The following DOP1B variants were observed in gnomAD, a reference collection of about 807,000 sequenced individuals.
DOP1B encodes the protein DOP1 leucine zipper like protein B, also known as protein DOP1B.
A neutral mutation model predicts 233.5 loss-of-function variants in DOP1B; 174 were observed. The ratio of observed to expected loss-of-function variants is 0.75; its 90% CI spans 0.66 to 0.85. The LOEUF (loss-of-function observed/expected upper bound fraction) is 0.85, where lower values mean the gene tolerates loss of function less well. Ranked by LOEUF, DOP1B falls within the 40% of genes least tolerant of loss-of-function variation. DOP1B has a pLI of 0.00. For synonymous variants in DOP1B, 1,190 were observed against 1,185.6 expected (o/e 1.00, Z -0.08); for missense variants, 2,652 against 2,846.6 (o/e 0.93, Z 1.56).
At chr21:36,221,287 G>A (rs56296790) in intron 10 of DOP1B, among the ~76,000 whole-genome samples, 3 of 152,046 alleles carry the variant, frequency 2.0e-5, no homozygotes, top group East Asian at 4.0e-4. Context: ...GAGGTCAGCA[G>A]TTCAAGACCA....
chr21:36,266,890 C>T (rs1176039622), intron 26 of DOP1B, among the ~76,000 whole-genome samples: 1 of 152,234 alleles, frequency 6.6e-6, no homozygotes, highest in Non-Finnish European at 1.5e-5. Context: ...GTGCTTTCAT[C>T]AGTCCTTACG....
At chr21:36,200,819 G>GAC (rs1327483565) in intron 4 of DOP1B, among the ~76,000 whole-genome samples, 3 of 151,030 alleles carry the variant, frequency 2.0e-5, no homozygotes, top group African/African-American at 7.3e-5. Flanking sequence ...CTCCAGCCTG[G>GAC]ACAACAGAGA....
chr21:36,210,912 A>G (rs1417527319), intron 5 of DOP1B, among the ~76,000 whole-genome samples: 1 of 151,642 alleles, frequency 6.6e-6, no homozygotes, highest in African/African-American at 2.4e-5. Context: ...ACAGCACCTC[A>G]CTCTTCCCTG....
Position 36,263,539 on chromosome 21 carries a change from A to G in DOP1B, c.5316-7A>G, listed in dbSNP as rs1257143637. The G allele has an allele frequency of 6.2e-7, 1 of 1,612,222 alleles. No homozygotes were observed. The highest frequency in any genetic ancestry group is 1.1e-5 in the South Asian group (1 of 90,834). Reference sequence around the variant, plus strand: ...TTGAGTATTTTTCCTATCTTTTAAAAAAACAGGCTCCCAGTACCAGCCTTG... The same window carrying G: ...TTGAGTATTTTTCCTATCTTTTAAAGAAACAGGCTCCCAGTACCAGCCTTG... On this transcript the variant is annotated splice_region_variant and splice_polypyrimidine_tract_variant and intron_variant, in intron 24 of 36. Transcript: ENST00000691173.
chr21:36,164,963 T>C (rs2065895243), intron 2 of DOP1B, 92 bp downstream of exon 2: 1 of 1,137,608 alleles, frequency 8.8e-7, no homozygotes, highest in East Asian at 3.3e-5. Flanking sequence ...ATATTATTTG[T>C]ATTTTATAAT....
At chr21:36,225,767 T>C in intron 12 of DOP1B, 100 bp downstream of exon 12, 1 of 1,172,624 alleles carries the variant, frequency 8.5e-7, no homozygotes, top group Non-Finnish European at 1.2e-6. Context: ...GAAAATGTTT[T>C]ACATAAATAT....
intron 2 of DOP1B, among the ~76,000 whole-genome samples, chr21:36,167,241 C>T (rs575206831): frequency 2.6e-5 from 4 of 152,260 alleles, no homozygotes; most frequent in South Asian, 4.1e-4. Context: ...GACACGATCT[C>T]GGCTCATGAC....
intron 30 of DOP1B, among the ~76,000 whole-genome samples, chr21:36,280,073 C>G (rs574674155): frequency 6.6e-6 from 1 of 152,184 alleles, no homozygotes; most frequent in Non-Finnish European, 1.5e-5. Context: ...CAGGGTTTCT[C>G]CATGTTGCTC....
In DOP1B at chr21:36,252,187, A is replaced by G. The variant is rs116837220; in HGVS notation, c.5121+903A>G. On this transcript the variant is annotated intron_variant, in intron 22 of 36. Transcript: ENST00000691173. ...GCAAGTCCCTATCTAAAAAAAAAAAACTTTACCTAAGAACATGCCACCCAT... is the reference window on the plus strand; with the variant it reads ...GCAAGTCCCTATCTAAAAAAAAAAAGCTTTACCTAAGAACATGCCACCCAT... 6.1e-3 allele frequency among the ~76,000 whole-genome samples: 920 copies of G among 149,906 alleles called. 11 individuals carry two copies. The highest frequency in any genetic ancestry group is 0.022 in the African/African-American group (887 of 40,828).
At chr21:36,204,103 C>G (rs573620372) in intron 4 of DOP1B, among the ~76,000 whole-genome samples, 18 of 152,204 alleles carry the variant, frequency 1.2e-4, no homozygotes, top group African/African-American at 4.1e-4. Context: ...GTACATTTGA[C>G]AATATCTGGA....
intron 2 of DOP1B, among the ~76,000 whole-genome samples, chr21:36,178,560 C>T (rs1001179089): frequency 1.3e-4 from 20 of 152,144 alleles, no homozygotes; most frequent in Admixed American, 6.5e-4. Flanking sequence ...ACCTTGATTG[C>T]GGACTCCCAA....
chr21:36,172,244 C>T (rs1442308073), intron 2 of DOP1B, among the ~76,000 whole-genome samples: 8 of 152,134 alleles, frequency 5.3e-5, no homozygotes, highest in East Asian at 1.9e-4. Context: ...AGCAAGGGAA[C>T]CTCTGCCTCA....
chr21:36,269,005 G>C (rs1180226784), intron 26 of DOP1B, among the ~76,000 whole-genome samples: 1 of 152,020 alleles, frequency 6.6e-6, no homozygotes, highest in Middle Eastern at 3.2e-3. Context: ...CTCCAGCCTG[G>C]TTGACAGAGC....
chr21:36,165,780 A>G (rs996876890), intron 2 of DOP1B, among the ~76,000 whole-genome samples: 32 of 149,878 alleles, frequency 2.1e-4, no homozygotes, highest in Non-Finnish European at 3.0e-4. Flanking sequence ...CAATGGCGCA[A>G]CCTTGGCTGA....
chr21:36,209,145 G>A (rs947879003), intron 5 of DOP1B, among the ~76,000 whole-genome samples: 6 of 152,080 alleles, frequency 3.9e-5, no homozygotes, highest in Middle Eastern at 3.2e-3. Context: ...GTTTTGAGAC[G>A]GAGTCTCGCT....
intron 8 of DOP1B, 126 bp downstream of exon 8, chr21:36,214,316 A>G: frequency 1.6e-6 from 2 of 1,231,180 alleles, no homozygotes; most frequent in Admixed American, 2.3e-5. Flanking sequence ...ACTGCAGGGT[A>G]TTTGTTGCAT....
intron 2 of DOP1B, among the ~76,000 whole-genome samples, chr21:36,174,077 A>G (rs1224892363): frequency 6.6e-6 from 1 of 152,146 alleles, no homozygotes; most frequent in Non-Finnish European, 1.5e-5. Flanking sequence ...GAGCCTCCTG[A>G]TGGTGTGTTT....
chr21:36,227,493 G>A (rs1431036900), intron 12 of DOP1B, among the ~76,000 whole-genome samples, 193 bp from the exon 13 acceptor site: 2 of 151,936 alleles, frequency 1.3e-5, no homozygotes, highest in East Asian at 3.9e-4. Context: ...CTTGCAGTGA[G>A]CCGAGATCGC....
At chr21:36,274,798 G>A (rs945978797) in intron 27 of DOP1B, among the ~76,000 whole-genome samples, 3 of 151,886 alleles carry the variant, frequency 2.0e-5, no homozygotes, top group African/African-American at 7.2e-5. Flanking sequence ...TTGTCCATAG[G>A]GCAGTAGCCA....
Sources: gnomAD v4.1 joint callset for allele counts (sites outside exome capture counted in the v4.1 genomes callset) on GRCh38, gnomAD v4.1.1 for gene constraint, MANE v1.5 for transcripts, NCBI Gene and HGNC (gene_info 2026-07-23, HGNC 2026-07-21) for gene names.